Variants in UGT2A3 observed in about 807,000 individuals in gnomAD.
The protein encoded by UGT2A3 is UDP glucuronosyltransferase family 2 member A3, also known as UDP-glucuronosyltransferase 2A3.
A neutral mutation model predicts 44.1 loss-of-function variants in UGT2A3; 55 were observed. The observed-to-expected ratio is 1.25, with a 90% CI of 1.00 to 1.56. The LOEUF is 1.56. Ranked by LOEUF, UGT2A3 falls within the 40% of genes most tolerant of loss-of-function variation. UGT2A3 has a pLI of 0.00. For synonymous variants in UGT2A3, 243 were observed against 215.1 expected, an observed-to-expected ratio of 1.13 and a Z score of -1.13; for missense variants, 733 against 621.6, an observed-to-expected ratio of 1.18 and a Z score of -1.91.
At chr4:68,934,368 A>C (rs1366617619) in intron 2 of UGT2A3, among the ~76,000 whole-genome samples, 1 of 151,994 alleles carries the variant, frequency 6.6e-6, no homozygotes, top group Non-Finnish European at 1.5e-5. Flanking sequence ...AACAAGAACA[A>C]GGAAACTCAA....
chr4:68,945,444 A>G lies in UGT2A3; in HGVS notation c.726T>C (p.Thr242=), dbSNP rs1450119598. The G allele has an allele frequency of 5.6e-6, 9 of 1,604,400 alleles. No homozygotes were observed. In the African/African-American group the frequency reaches 9.4e-5, roughly 17 times the overall value. The part of the protein sequence containing the change: ...EFYSKALGRP[T]TLCETVGKAE... ...CTTTTCCCACAGTCTCACATAATGT[A>G]GTGGGCCTTCCTCAATAAAAGAAAT... The change falls in exon 2 of 6, where the codon ACT becomes ACC. Residue 242 remains threonine, a synonymous_variant. Coordinates refer to ENST00000251566, the MANE Select transcript of UGT2A3 (RefSeq NM_024743.4).
chr4:68,931,847 C>T (rs913303722), intron 3 of UGT2A3, among the ~76,000 whole-genome samples: 1 of 151,860 alleles, frequency 6.6e-6, no homozygotes, highest in Non-Finnish European at 1.5e-5. Context: ...TTGTTGGACA[C>T]CTATACAAAT....
In UGT2A3 at chr4:68,930,741, A is replaced by G; in HGVS notation, c.1109T>C (p.Ile370Thr). Reference protein sequence around the residue: ...LLGHPKTKAFITHGGMNGIYE... With the variant: ...LLGHPKTKAFTTHGGMNGIYE... ...GATCCCATTCATTCCACCATGAGTG[A>G]TAAAAGCTTTGGTTTTGGGATGACC... The change falls in exon 5 of 6, where the codon ATC becomes ACC. Residue 370 changes from isoleucine to threonine, a missense_variant. Ile to Thr is a moderately conservative substitution (Grantham distance 89). Coordinates refer to ENST00000251566, the MANE Select transcript of UGT2A3 (RefSeq NM_024743.4). 3 of 1,601,994 alleles carry G rather than the reference A, an allele frequency of 1.9e-6. No homozygotes were observed.
rs748190262 is a variant in UGT2A3 at position 68,943,421 on chromosome 4, A to T, written c.864+1885T>A. Reference sequence around the variant, plus strand: ...ATTAATAATTAATAAATAAAATTATATTCATCAATACACATCTTACTATAA... The same window carrying T: ...ATTAATAATTAATAAATAAAATTATTTTCATCAATACACATCTTACTATAA... On this transcript the variant is annotated intron_variant, in intron 2 of 5. Coordinates refer to ENST00000251566, the MANE Select transcript of UGT2A3 (RefSeq NM_024743.4). The T allele has an allele frequency of 4.6e-6, 4 of 872,484 alleles. 1 individual carries two copies. In the South Asian group the frequency reaches 6.9e-5, roughly 15 times the overall value. The allele number at this position is 872,484 out of a possible 1,614,324, so 54.0% of individuals were successfully genotyped here. A position where few individuals can be genotyped will look rare whatever the true frequency, so the allele number is the denominator to read the frequency against.
At chr4:68,935,000 C>T (rs1717878798) in intron 2 of UGT2A3, among the ~76,000 whole-genome samples, 1 of 151,030 alleles carries the variant, frequency 6.6e-6, no homozygotes, top group Admixed American at 6.6e-5. Context: ...TTAGTGGACA[C>T]ATAAAATAGG....
chr4:68,947,355 A>G (rs1191193893), intron 1 of UGT2A3, among the ~76,000 whole-genome samples: 1 of 151,662 alleles, frequency 6.6e-6, no homozygotes, highest in Non-Finnish European at 1.5e-5. Context: ...GCACCTCCTC[A>G]CCGGTTTTAC....
intron 2 of UGT2A3, among the ~76,000 whole-genome samples, chr4:68,934,395 A>G (rs950233636): frequency 3.9e-5 from 6 of 152,024 alleles, no homozygotes; most frequent in Non-Finnish European, 8.8e-5. Flanking sequence ...TAGGAAAACA[A>G]GATATTTAAC....
At chr4:68,933,125 TAGA>T (rs1364158188) in intron 2 of UGT2A3, among the ~76,000 whole-genome samples, 2 of 152,034 alleles carry the variant, frequency 1.3e-5, no homozygotes, top group Non-Finnish European at 2.9e-5. Context: ...GATGGTGGAA[TAGA>T]AGACCTCCAG....
At chr4:68,948,899 G>A (rs1718480769) in intron 1 of UGT2A3, among the ~76,000 whole-genome samples, 1 of 151,740 alleles carries the variant, frequency 6.6e-6, no homozygotes, top group Non-Finnish European at 1.5e-5. Context: ...CAAGAGGCAT[G>A]GCACCAACAT....
intron 4 of UGT2A3, among the ~76,000 whole-genome samples, 154 bp from the exon 5 acceptor site, chr4:68,930,919 A>G (rs1014456645): frequency 2.9e-4 from 44 of 152,110 alleles, no homozygotes; most frequent in African/African-American, 9.9e-4. Flanking sequence ...ACTAAAGATC[A>G]TTTCTATCTC....
rs1472173779 is a variant in UGT2A3, at chr4:68,929,202, A to G, written c.*611T>C. 2.0e-5 allele frequency: 3 copies of G among 152,134 alleles called. No individual in the cohort carries two copies. The highest frequency in any genetic ancestry group is 7.2e-5 in the African/African-American group (3 of 41,466). 9.4% of individuals were successfully genotyped at this position (152,134 alleles called of 1,614,324 possible). A position where few individuals can be genotyped will look rare whatever the true frequency, so the allele number is the denominator to read the frequency against. On this transcript the variant is annotated 3_prime_UTR_variant, in exon 6 of 6. Transcript: ENST00000251566. ...TATCATCAAGAAAACAGAAAAAAGT[A>G]TTGGTTGAGTGATGGCAGAAATGTA...
At position 68,930,612 on chromosome 4, in the gene UGT2A3, A is replaced by G. The variant is rs996890146; in HGVS notation, c.1238T>C (p.Ile413Thr). Residue 413 changes from isoleucine to threonine, a missense_variant, in exon 5 of 6, where the codon ATA becomes ACA. Ile to Thr is a moderately conservative substitution (Grantham distance 89). Transcript: ENST00000251566. ...TTCGCTTGTCATAGTTTTGAAGTTT[A>G]TTTCTACAGCTGCTCCTTTGGCCTT... ...HMKAKGAAVE[I>T]NFKTMTSEDL... 6.2e-7 allele frequency: 1 copy of G among 1,613,362 alleles called. No homozygotes were observed. Among genetic ancestry groups the G allele is most frequent in the African/African-American group, 1.3e-5 (1 of 74,872 alleles).
At chr4:68,935,276 G>GTATATCTATA (rs1717895593) in intron 2 of UGT2A3, among the ~76,000 whole-genome samples, 1 of 60,118 alleles carries the variant, frequency 1.7e-5, no homozygotes, top group Non-Finnish European at 3.4e-5. Flanking sequence ...ATGTATGTAT[G>GTATATCTATA]TATATATATA....
At chr4:68,933,448 G>C (rs1475484866) in intron 2 of UGT2A3, among the ~76,000 whole-genome samples, 1 of 151,998 alleles carries the variant, frequency 6.6e-6, no homozygotes, top group African/African-American at 2.4e-5. Context: ...TCCCACAGGA[G>C]GTATTAGGAG....
In UGT2A3 at chr4:68,930,669, A is replaced by G. The variant is rs137969795; in HGVS notation, c.1181T>C (p.Phe394Ser). The change falls in exon 5 of 6, where the codon TTT becomes TCT. Residue 394 changes from phenylalanine to serine, a missense_variant. Phe to Ser is a radical substitution (Grantham distance 155). Coordinates refer to ENST00000251566, the MANE Select transcript of UGT2A3 (RefSeq NM_024743.4). ...AGCTATGTTATCAAGCTGATCACCAAATATGGGAACTCCCACCATAGGGAC... is the reference window on the plus strand; with the variant it reads ...AGCTATGTTATCAAGCTGATCACCAGATATGGGAACTCCCACCATAGGGAC... ...HGVPMVGVPI[F>S]GDQLDNIAHM... is the part of the protein sequence containing the mutation. The G allele has an allele frequency of 2.2e-4, 357 of 1,613,566 alleles. No homozygotes were observed. The highest frequency in any genetic ancestry group is 4.6e-4 in the South Asian group (42 of 91,052).
chr4:68,942,807 A>G (rs952692689), intron 2 of UGT2A3, among the ~76,000 whole-genome samples: 1 of 151,592 alleles, frequency 6.6e-6, no homozygotes, highest in South Asian at 2.1e-4. Context: ...ACAACGTTTA[A>G]ATTTGGAAGA....
chr4:68,944,451 T>C (rs894354382), intron 2 of UGT2A3, among the ~76,000 whole-genome samples: 2 of 151,818 alleles, frequency 1.3e-5, no homozygotes, highest in African/African-American at 4.8e-5. Flanking sequence ...CTTACAAAAC[T>C]ATTAAAAAAC....
rs1717630091 is a variant in UGT2A3, at chr4:68,929,294, C to T, written c.*519G>A. Reference sequence around the variant, plus strand: ...TTTTCTAAGCATAATGCCATGTCATCATTATTAGCAATTTATTTTCTGAGA... The same window carrying T: ...TTTTCTAAGCATAATGCCATGTCATTATTATTAGCAATTTATTTTCTGAGA... On this transcript the variant is annotated 3_prime_UTR_variant, in exon 6 of 6. Transcript: ENST00000251566. The T allele has an allele frequency of 6.6e-6, 1 of 152,172 alleles. No homozygotes were observed. The highest frequency in any genetic ancestry group is 1.5e-5 in the Non-Finnish European group (1 of 68,114). 9.4% of individuals were successfully genotyped at this position (152,172 alleles called of 1,614,324 possible). A position where few individuals can be genotyped will look rare whatever the true frequency, so the allele number is the denominator to read the frequency against.
At position 68,929,859 on chromosome 4, in the gene UGT2A3, G is replaced by GA. The variant is rs762234744; in HGVS notation, c.1537dup (p.Ser513PhefsTer6). 21 of 1,606,620 alleles carry GA rather than the reference G, an allele frequency of 1.3e-5. No individual in the cohort carries two copies. In the African/African-American group the frequency reaches 1.9e-4, roughly 14 times the overall value. On this transcript the variant is annotated frameshift_variant, in exon 6 of 6. Transcript: ENST00000251566. LOFTEE classifies it low-confidence loss of function (END_TRUNC). ...TCTAGTTTTATTAAATTTTTGACAGGAAAATAAAAAACATTTTGTGAACAA... is the reference window on the plus strand; with the variant it reads ...TCTAGTTTTATTAAATTTTTGACAGGAAAAATAAAAAACATTTTGTGAACAA...
Sources: allele counts gnomAD v4.1 joint callset (sites outside exome capture counted in the v4.1 genomes callset), GRCh38; gene constraint gnomAD v4.1.1; transcripts MANE v1.5; gene names NCBI Gene and HGNC (gene_info 2026-07-23, HGNC 2026-07-21).